SYTL2: variants seen among roughly 807,000 people sequenced by gnomAD.
SYTL2 encodes synaptotagmin-like protein 2.
A neutral mutation model predicts 198.7 loss-of-function variants in SYTL2; 165 were observed. That is an observed-to-expected ratio of 0.83 (90% CI 0.73 to 0.94). The LOEUF (loss-of-function observed/expected upper bound fraction) is 0.94, where lower values mean the gene tolerates loss of function less well. SYTL2 is among the 40% of genes least tolerant of loss of function. SYTL2 has a pLI of 0.00. For missense variants in SYTL2, 2,835 were observed against 2,582.8 expected, an observed-to-expected ratio of 1.10 and a Z score of -2.12; for synonymous variants, 966 against 917.7, an observed-to-expected ratio of 1.05 and a Z score of -0.95.
At chr11:85,705,419 A>T (rs984169728) in intron 15 of SYTL2, among the ~76,000 whole-genome samples, 2 of 152,172 alleles carry the variant, frequency 1.3e-5, no homozygotes, top group Admixed American at 6.5e-5. Flanking sequence ...GGTCTTTTTT[A>T]AAATAGTCTT....
chr11:85,842,657 A>G, the SYTL2 span, among the ~76,000 whole-genome samples: 26 of 152,216 alleles, frequency 1.7e-4, no homozygotes, highest in Admixed American at 1.6e-3. Context: ...AGCATATAAC[A>G]AGGGGACCTG....
intron 4 of SYTL2, among the ~76,000 whole-genome samples, chr11:85,742,768 A>C (rs1322148827): frequency 6.6e-6 from 1 of 152,222 alleles, no homozygotes; most frequent in African/African-American, 2.4e-5. Context: ...CCTTCACTAC[A>C]AAGGGTTTAT....
chr11:85,807,534 C>T (rs1291679166), intron 1 of SYTL2, among the ~76,000 whole-genome samples: 1 of 152,110 alleles, frequency 6.6e-6, no homozygotes, highest in African/African-American at 2.4e-5. Context: ...AAGTGGAAAC[C>T]AGCTCAGAGA....
the SYTL2 span, among the ~76,000 whole-genome samples, chr11:85,816,648 G>A: frequency 5.9e-5 from 9 of 152,246 alleles, no homozygotes; most frequent in South Asian, 4.1e-4. Flanking sequence ...AGTGGCTCAC[G>A]CCTGTAATAC....
chr11:85,806,274 C>T (rs1222707556), intron 1 of SYTL2, among the ~76,000 whole-genome samples: 2 of 152,138 alleles, frequency 1.3e-5, no homozygotes, highest in African/African-American at 4.8e-5. Flanking sequence ...CTGCACATGT[C>T]TTTGCTCCCT....
In SYTL2 at chr11:85,734,337, T is replaced by C; in HGVS notation, c.992A>G (p.Lys331Arg). The change falls in exon 7 of 20, where the codon AAG becomes AGG. Residue 331 changes from lysine to arginine, a missense_variant. Coordinates refer to ENST00000359152, the MANE Select transcript of SYTL2 (RefSeq NM_206927.4). Reference sequence around the variant, plus strand: ...CTTCACTGCAGAGAATCTCACATGCTTTAATGGCTCCAGGGAGTTTGGGGA... The same window carrying C: ...CTTCACTGCAGAGAATCTCACATGCCTTAATGGCTCCAGGGAGTTTGGGGA... ...NSSPNSLEPL[K>R]HVRFSAVKDE... is the part of the protein sequence containing the mutation. 4.3e-6 allele frequency: 7 copies of C among 1,614,246 alleles called. No homozygotes were observed. Among genetic ancestry groups the C allele is most frequent in the Non-Finnish European group, 5.9e-6 (7 of 1,180,036 alleles).
chr11:85,709,407 G>A lies in SYTL2; in HGVS notation c.5839C>T (p.Leu1947=), dbSNP rs2153418412. The stretch of plus-strand genomic sequence containing the variant: ...GCCACAAAAACATGCAACTCCTTCA[G>A]TGACTCCACATATTCAATTGCAAAC... ...IQFAIEYVES[L]KELHVFVAQC... The change falls in exon 14 of 20, where the codon CTG becomes TTG. Residue 1947 remains leucine (L), a synonymous_variant. Coordinates refer to ENST00000359152, the MANE Select transcript of SYTL2 (RefSeq NM_206927.4). The A allele has an allele frequency of 5.0e-6, 8 of 1,614,080 alleles. No homozygotes were observed. The highest frequency in any genetic ancestry group is 6.8e-6 in the Non-Finnish European group (8 of 1,180,008).
chr11:85,704,495 G>A (rs1273201430), intron 16 of SYTL2, among the ~76,000 whole-genome samples: 1 of 152,058 alleles, frequency 6.6e-6, no homozygotes, highest in Non-Finnish European at 1.5e-5. Flanking sequence ...AAGATTTCAG[G>A]AACTAGTTTT....
At chr11:85,748,216 C>A (rs186003269) in intron 3 of SYTL2, 56 bp downstream of exon 3, 12 of 1,572,534 alleles carry the variant, frequency 7.6e-6, no homozygotes, top group Non-Finnish European at 1.0e-5. Context: ...CCCTTCTCCC[C>A]GCTCCTCCTT....
rs1483767909 is a variant in SYTL2, at chr11:85,722,196, TG to T, written c.5327-1238del. On this transcript the variant is annotated intron_variant, in intron 8 of 19. Transcript: ENST00000359152. ...TTTTTTTTTTTTTTTTTTTTTTTTT[TG>T]AGATGAAGTCTTGCTCTGTAGCCCA... 8.9e-3 allele frequency among the ~76,000 whole-genome samples: 1,206 copies of T among 134,864 alleles called. 28 individuals are homozygous for T. The highest frequency in any genetic ancestry group is 0.036 in the African/African-American group (1,156 of 32,188). 88.5% of individuals were successfully genotyped at this position (134,864 alleles called of 152,430 possible). A position where few individuals can be genotyped will look rare whatever the true frequency, so the allele number is the denominator to read the frequency against.
intron 2 of SYTL2, among the ~76,000 whole-genome samples, chr11:85,751,711 G>A (rs554181365): frequency 2.0e-5 from 3 of 152,298 alleles, no homozygotes; most frequent in African/African-American, 7.2e-5. Context: ...CACAGTATCT[G>A]CTTTGTGCTG....
chr11:85,719,026 G>T, intron 9 of SYTL2, 183 bp from the exon 10 acceptor site: 1 of 1,524,212 alleles, frequency 6.6e-7, no homozygotes, highest in Non-Finnish European at 8.8e-7. Context: ...CAGTGCCATA[G>T]CGGGAGCTCC....
chr11:85,744,256 T>G (rs1348817070), intron 4 of SYTL2, among the ~76,000 whole-genome samples: 1 of 152,198 alleles, frequency 6.6e-6, no homozygotes, highest in Non-Finnish European at 1.5e-5. Flanking sequence ...CACTGGCTAA[T>G]TAACTTCTCA....
chr11:85,793,827 T>C (rs1311321452), intron 1 of SYTL2, among the ~76,000 whole-genome samples: 1 of 152,210 alleles, frequency 6.6e-6, no homozygotes, highest in Non-Finnish European at 1.5e-5. Flanking sequence ...TGGCAAGCAA[T>C]TGCATTTCCA....
At chr11:85,813,379 A>T (rs1178485971), upstream of SYTL2, among the ~76,000 whole-genome samples, 3 of 152,328 alleles carry the variant, frequency 2.0e-5, no homozygotes, top group South Asian at 6.2e-4. Context: ...GAAGATGCAC[A>T]TGTTTAGCAT....
chr11:85,839,876 G>T, the SYTL2 span, among the ~76,000 whole-genome samples: 1 of 152,116 alleles, frequency 6.6e-6, no homozygotes, highest in South Asian at 2.1e-4. Context: ...CTCCATAGTG[G>T]TTGTACTAAT....
chr11:85,708,945 T>C (rs1313754353), intron 14 of SYTL2, among the ~76,000 whole-genome samples: 3 of 139,568 alleles, frequency 2.1e-5, no homozygotes, highest in African/African-American at 8.1e-5. Flanking sequence ...TCCTCGCCAT[T>C]CTCCTGCCTC....
intron 3 of SYTL2, among the ~76,000 whole-genome samples, chr11:85,746,699 G>A (rs2091178995): frequency 2.6e-5 from 4 of 152,170 alleles, no homozygotes. Context: ...TTCTTCAACT[G>A]CAAAATGGGG....
chr11:85,733,881 G>A (rs755664629), intron 7 of SYTL2, 58 bp downstream of exon 7: 4 of 1,448,788 alleles, frequency 2.8e-6, no homozygotes, highest in Non-Finnish European at 3.8e-6. Flanking sequence ...TTACAGGCGT[G>A]AGCCACCGCG....
Sources: allele counts gnomAD v4.1 joint callset (sites outside exome capture counted in the v4.1 genomes callset), GRCh38; gene constraint gnomAD v4.1.1; transcripts MANE v1.5; gene names NCBI Gene and HGNC (gene_info 2026-07-23, HGNC 2026-07-21).